Variants in GRIK2 observed in about 807,000 individuals in gnomAD.
GRIK2 encodes the protein glutamate ionotropic receptor kainate type subunit 2.
A neutral mutation model predicts 100.3 loss-of-function variants in GRIK2; 32 were observed. The observed-to-expected ratio is 0.32, with a 90% CI of 0.24 to 0.43. The LOEUF is 0.43. Ranked by LOEUF, GRIK2 falls within the 20% of genes least tolerant of loss-of-function variation. The pLI is 1.00. For missense variants in GRIK2, 843 were observed against 1,114.9 expected (o/e 0.76, Z 3.47); for synonymous variants, 417 against 389.4 (o/e 1.07, Z -0.83).
At chr6:101,998,070 C>T (rs944891286) in intron 14 of GRIK2, among the ~76,000 whole-genome samples, 1 of 152,114 alleles carries the variant, frequency 6.6e-6, no homozygotes, top group Non-Finnish European at 1.5e-5. Flanking sequence ...CTCCCAAAAG[C>T]TTCCTTGTAT....
chr6:101,792,445 T>C (rs1321013213), intron 7 of GRIK2, among the ~76,000 whole-genome samples: 1 of 151,792 alleles, frequency 6.6e-6, no homozygotes, highest in Non-Finnish European at 1.5e-5. Flanking sequence ...TGTAAAGTAT[T>C]TTATTTCTCC....
At chr6:101,744,558 A>ATCTATATCTATATCTATC (rs1554257130) in intron 7 of GRIK2, 2 of 115,028 alleles carry the variant, frequency 1.7e-5, no homozygotes, top group African/African-American at 7.4e-5. Context: ...ATATATATAT[A>ATCTATATCTATATCTATC]TCACAATTTC....
At chr6:101,931,457 C>T (rs921290201) in intron 14 of GRIK2, among the ~76,000 whole-genome samples, 8 of 152,020 alleles carry the variant, frequency 5.3e-5, no homozygotes, top group African/African-American at 1.9e-4. Flanking sequence ...TTATAAAAAA[C>T]GATACAGTTT....
At chr6:101,593,703 CAAAA>C (rs1424976076) in intron 2 of GRIK2, among the ~76,000 whole-genome samples, 1 of 151,790 alleles carries the variant, frequency 6.6e-6, no homozygotes, top group African/African-American at 2.4e-5. Context: ...ATTACGCTGC[CAAAA>C]GATGACTCCA....
At chr6:101,657,825 GAAAT>G (rs1383473987) in intron 4 of GRIK2, among the ~76,000 whole-genome samples, 1 of 151,836 alleles carries the variant, frequency 6.6e-6, no homozygotes, top group African/African-American at 2.4e-5. Context: ...TATTTCCAGG[GAAAT>G]AAATAATAGA....
At chr6:101,397,213 C>A (rs571542644) in intron 1 of GRIK2, among the ~76,000 whole-genome samples, 2 of 152,052 alleles carry the variant, frequency 1.3e-5, no homozygotes, top group Admixed American at 6.6e-5. Flanking sequence ...TAGTAGATAT[C>A]AGTTATATTG....
At chr6:101,441,892 C>T (rs755996832) in intron 2 of GRIK2, among the ~76,000 whole-genome samples, 2 of 150,372 alleles carry the variant, frequency 1.3e-5, no homozygotes, top group Non-Finnish European at 3.0e-5. Context: ...GCCAAAGCTA[C>T]AGAACATAAG....
At chr6:101,915,130 G>A (rs1276533447) in intron 12 of GRIK2, among the ~76,000 whole-genome samples, 1 of 151,158 alleles carries the variant, frequency 6.6e-6, no homozygotes, top group Admixed American at 6.6e-5. Context: ...AAAATGATAC[G>A]GGCTGTGTGA....
intron 12 of GRIK2, among the ~76,000 whole-genome samples, chr6:101,909,382 CT>C (rs58320962): frequency 1.5e-4 from 19 of 126,436 alleles, no homozygotes; most frequent in South Asian, 4.8e-4. Flanking sequence ...TTTTCTTTTT[CT>C]TTTTTTTTTT....
chr6:101,686,405 T>G (rs1771703923), intron 7 of GRIK2, 52 bp downstream of exon 7: 1 of 1,381,050 alleles, frequency 7.2e-7, no homozygotes, highest in Non-Finnish European at 1.0e-6. Flanking sequence ...TAGTATTGCA[T>G]ACATATGAAC....
intron 11 of GRIK2, among the ~76,000 whole-genome samples, chr6:101,864,559 A>G (rs1582408410): frequency 6.6e-6 from 1 of 152,100 alleles, no homozygotes; most frequent in South Asian, 2.1e-4. Flanking sequence ...TGAGAAGTAA[A>G]CTCTAAGTTG....
chr6:102,055,887 G>A (rs1771440078), intron 16 of GRIK2, among the ~76,000 whole-genome samples: 1 of 151,640 alleles, frequency 6.6e-6, no homozygotes, highest in Admixed American at 6.6e-5. Flanking sequence ...GAATTTCATC[G>A]TGGTATATGA....
intron 7 of GRIK2, among the ~76,000 whole-genome samples, chr6:101,750,179 C>G (rs1776698765): frequency 6.6e-6 from 1 of 151,934 alleles, no homozygotes; most frequent in Non-Finnish European, 1.5e-5. Context: ...TCATAATTAC[C>G]CGGTTGAGGT....
chr6:101,574,796 ATAT>A (rs1777722048), intron 2 of GRIK2, among the ~76,000 whole-genome samples: 1 of 151,908 alleles, frequency 6.6e-6, no homozygotes, highest in African/African-American at 2.4e-5. Flanking sequence ...AAAATAACAG[ATAT>A]TATGTGGTAA....
chr6:101,786,111 G>A (rs1315745320), intron 7 of GRIK2, among the ~76,000 whole-genome samples: 1 of 151,994 alleles, frequency 6.6e-6, no homozygotes. Context: ...TAGTTTGGCT[G>A]ATTAGTTATT....
At chr6:101,989,025 T>G (rs1794210533) in intron 14 of GRIK2, among the ~76,000 whole-genome samples, 1 of 151,906 alleles carries the variant, frequency 6.6e-6, no homozygotes, top group Non-Finnish European at 1.5e-5. Flanking sequence ...ACTATCAGAG[T>G]CCATACTTGT....
chr6:101,670,766 A>G (rs150618581), intron 4 of GRIK2, among the ~76,000 whole-genome samples: 77 of 152,288 alleles, frequency 5.1e-4, no homozygotes, highest in African/African-American at 1.8e-3. Context: ...TTTTAATACA[A>G]TATTTTCCCA....
chr6:101,808,117 G>C (rs1781116869), intron 9 of GRIK2, among the ~76,000 whole-genome samples: 1 of 151,888 alleles, frequency 6.6e-6, no homozygotes, highest in African/African-American at 2.4e-5. Flanking sequence ...GGAAAGACCA[G>C]CTCTAGAGGG....
At chr6:101,760,486 ATAAT>A (rs1212614968) in intron 7 of GRIK2, among the ~76,000 whole-genome samples, 4 of 43,690 alleles carry the variant, frequency 9.2e-5, no homozygotes, top group African/African-American at 4.9e-4. Context: ...TTTATTATAT[ATAAT>A]TAATTATATT....
Sources: gnomAD v4.1 joint callset for allele counts (sites outside exome capture counted in the v4.1 genomes callset) on GRCh38, gnomAD v4.1.1 for gene constraint, MANE v1.5 for transcripts, NCBI Gene and HGNC (gene_info 2026-07-23, HGNC 2026-07-21) for gene names.